The following CCDC171 variants were observed in gnomAD, a reference collection of about 807,000 sequenced individuals.
CCDC171 encodes coiled-coil domain containing 171.
A neutral mutation model predicts 168.2 loss-of-function variants in CCDC171; 177 were observed. The ratio of observed to expected loss-of-function variants is 1.05; its 90% CI spans 0.93 to 1.19. The LOEUF (loss-of-function observed/expected upper bound fraction) is 1.19, where lower values mean the gene tolerates loss of function less well. CCDC171 is among the 50% of genes most tolerant of loss of function. The probability of loss-of-function intolerance (pLI) is 0.00; values close to 1 mark genes in which losing one functional copy is unlikely to be tolerated. For missense variants in CCDC171, 1,991 were observed against 1,539.0 expected (o/e 1.29, Z -4.91); for synonymous variants, 687 against 540.8 (o/e 1.27, Z -3.75).
At chr9:15,867,941 T>C (rs1414394350) in intron 23 of CCDC171, among the ~76,000 whole-genome samples, 1 of 152,102 alleles carries the variant, frequency 6.6e-6, no homozygotes, top group Admixed American at 6.6e-5. Context: ...TATCATGTTA[T>C]ATAGTGACTT....
At chr9:15,851,950 G>A (rs2061146648) in intron 23 of CCDC171, among the ~76,000 whole-genome samples, 1 of 151,762 alleles carries the variant, frequency 6.6e-6, no homozygotes, top group Admixed American at 6.6e-5. Context: ...CCATTGTATA[G>A]TTATACCACA....
At chr9:16,100,030 C>T in the CCDC171 span, among the ~76,000 whole-genome samples, 1 of 151,834 alleles carries the variant, frequency 6.6e-6, no homozygotes, top group Non-Finnish European at 1.5e-5. Flanking sequence ...AAATCTAATC[C>T]AGGCTTTGCA....
chr9:15,704,854 T>C (rs1236625331), intron 11 of CCDC171, among the ~76,000 whole-genome samples: 1 of 152,136 alleles, frequency 6.6e-6, no homozygotes, highest in Non-Finnish European at 1.5e-5. Context: ...CCTTGTTTCC[T>C]AATGCCTCTA....
intron 24 of CCDC171, among the ~76,000 whole-genome samples, chr9:15,901,706 C>G (rs572807856): frequency 6.6e-6 from 1 of 152,176 alleles, no homozygotes; most frequent in South Asian, 2.1e-4. Flanking sequence ...TTCACTTGGT[C>G]TATTTGTTAA....
intron 1 of CCDC171, among the ~76,000 whole-genome samples, chr9:16,060,196 A>T (rs577140998): frequency 6.6e-6 from 1 of 152,218 alleles, no homozygotes; most frequent in Non-Finnish European, 1.5e-5. Context: ...ATTCAGGTCC[A>T]GTTCATGAGA....
At chr9:15,917,554 TA>T (rs1286123728) in intron 24 of CCDC171, among the ~76,000 whole-genome samples, 2 of 151,740 alleles carry the variant, frequency 1.3e-5, no homozygotes, top group Non-Finnish European at 3.0e-5. Flanking sequence ...TTATTAAAAG[TA>T]GATCAAGGAA....
chr9:15,624,112 T>G (rs1476602748), intron 7 of CCDC171, among the ~76,000 whole-genome samples: 2 of 152,160 alleles, frequency 1.3e-5, no homozygotes, highest in Admixed American at 1.3e-4. Context: ...TTAACACTTA[T>G]TAAACTCACT....
At chr9:15,846,915 G>A (rs1476569964) in intron 22 of CCDC171, 68 bp downstream of exon 22, 8 of 1,417,878 alleles carry the variant, frequency 5.6e-6, no homozygotes, top group Non-Finnish European at 7.7e-6. Context: ...TTCATGCTCC[G>A]GGTTTTAGCC....
At chr9:15,655,887 A>G (rs1052161500) in intron 7 of CCDC171, among the ~76,000 whole-genome samples, 4 of 152,252 alleles carry the variant, frequency 2.6e-5, no homozygotes, top group African/African-American at 4.8e-5. Flanking sequence ...TTGATTGTCT[A>G]TAAAACCTCA....
intron 7 of CCDC171, among the ~76,000 whole-genome samples, chr9:15,628,867 G>C (rs1223449096): frequency 6.6e-6 from 1 of 152,188 alleles, no homozygotes; most frequent in African/African-American, 2.4e-5. Flanking sequence ...AGCATTAACG[G>C]TTCACGAAAA....
intron 11 of CCDC171, among the ~76,000 whole-genome samples, chr9:15,696,624 A>C (rs2051239370): frequency 6.6e-6 from 1 of 152,132 alleles, no homozygotes; most frequent in Admixed American, 6.6e-5. Context: ...ATCTTTAAAA[A>C]TTGTTAAATA....
chr9:15,654,670 G>A (rs2132881302), intron 7 of CCDC171, among the ~76,000 whole-genome samples: 1 of 152,224 alleles, frequency 6.6e-6, no homozygotes, highest in Admixed American at 6.5e-5. Flanking sequence ...CTAAGGGGGT[G>A]GAGCCAAGAT....
At chr9:15,799,450 C>T (rs540667888) in intron 21 of CCDC171, among the ~76,000 whole-genome samples, 1 of 151,126 alleles carries the variant, frequency 6.6e-6, no homozygotes, top group African/African-American at 2.4e-5. Flanking sequence ...TAAAGGTTTT[C>T]TTTACAAATT....
At chr9:16,071,768 C>G in the CCDC171 span, among the ~76,000 whole-genome samples, 1 of 152,158 alleles carries the variant, frequency 6.6e-6, no homozygotes, top group Non-Finnish European at 1.5e-5. Flanking sequence ...TCAAACATTT[C>G]TCTTCTGTAT....
chr9:15,554,209 A>G (rs1397852298), intron 1 of CCDC171, among the ~76,000 whole-genome samples: 2 of 152,056 alleles, frequency 1.3e-5, no homozygotes, highest in Non-Finnish European at 2.9e-5. Flanking sequence ...TTTAGTGGAG[A>G]CGGGGTTTCA....
At chr9:15,782,401 C>G (rs1040514836) in intron 20 of CCDC171, among the ~76,000 whole-genome samples, 6 of 152,128 alleles carry the variant, frequency 3.9e-5, no homozygotes, top group East Asian at 1.9e-4. Flanking sequence ...ATTTTATTTA[C>G]TTTACAGAGG....
intron 24 of CCDC171, among the ~76,000 whole-genome samples, chr9:15,896,062 A>G (rs757568873): frequency 7.2e-5 from 11 of 151,976 alleles, no homozygotes; most frequent in Non-Finnish European, 7.4e-5. Flanking sequence ...GTAGGAAACC[A>G]TGTTGGTTTT....
At chr9:15,672,306 T>C (rs1447467995) in intron 9 of CCDC171, among the ~76,000 whole-genome samples, 2 of 152,228 alleles carry the variant, frequency 1.3e-5, no homozygotes, top group Non-Finnish European at 2.9e-5. Context: ...AAGTTGCCTG[T>C]TTACTCTGAT....
At chr9:15,981,877 C>T (rs1055808403) in intron 3 of CCDC171, among the ~76,000 whole-genome samples, 1 of 152,114 alleles carries the variant, frequency 6.6e-6, no homozygotes, top group African/African-American at 2.4e-5. Context: ...TCCTCCCAGC[C>T]AGAAGGAATT....
Sources: allele counts gnomAD v4.1 joint callset (sites outside exome capture counted in the v4.1 genomes callset), GRCh38; gene constraint gnomAD v4.1.1; transcripts MANE v1.5; gene names NCBI Gene and HGNC (gene_info 2026-07-23, HGNC 2026-07-21).